IQGAP1: variants seen among roughly 807,000 people sequenced by gnomAD.
IQGAP1 encodes the protein IQ motif containing GTPase activating protein 1, also known as ras GTPase-activating-like protein IQGAP1.
IQGAP1 carries 66 observed loss-of-function variants against 215.6 expected under a neutral mutation model. The ratio of observed to expected loss-of-function variants is 0.31; its 90% CI spans 0.25 to 0.38. The LOEUF (loss-of-function observed/expected upper bound fraction) is 0.38. IQGAP1 is among the 10% of genes least tolerant of loss of function. The pLI is 1.00. For missense variants in IQGAP1, 1,712 were observed against 1,997.1 expected, an observed-to-expected ratio of 0.86 and a Z score of 2.72; for synonymous variants, 772 against 728.7, an observed-to-expected ratio of 1.06 and a Z score of -0.96.
chr15:90,441,370 C>A, intron 7 of IQGAP1, 136 bp from the exon 8 acceptor site: 1 of 728,704 alleles, frequency 1.4e-6, no homozygotes, highest in Non-Finnish European at 2.2e-6. Context: ...CTTCGAACCC[C>A]AGTTGTTATT....
At chr15:90,416,522 C>CAGTGTAAA (rs1413465136) in intron 2 of IQGAP1, among the ~76,000 whole-genome samples, 2 of 151,888 alleles carry the variant, frequency 1.3e-5, no homozygotes, top group African/African-American at 4.8e-5. Flanking sequence ...GTCCCTCCAG[C>CAGTGTAAA]AGTGTAAAAG....
chr15:90,457,810 A>G (rs1281091301), intron 15 of IQGAP1, among the ~76,000 whole-genome samples: 1 of 152,136 alleles, frequency 6.6e-6, no homozygotes, highest in Admixed American at 6.5e-5. Context: ...TGTTAGGTAT[A>G]CATTTTGGAG....
intron 36 of IQGAP1, among the ~76,000 whole-genome samples, chr15:90,496,195 T>C (rs1258728617): frequency 1.3e-5 from 2 of 151,986 alleles, no homozygotes; most frequent in Non-Finnish European, 2.9e-5. Flanking sequence ...AGTGACCTTT[T>C]TGCATCTTTC....
At chr15:90,433,602 GAATGCCACCGATGTTT>G in intron 4 of IQGAP1, 101 bp from the exon 5 acceptor site, 1 of 537,410 alleles carries the variant, frequency 1.9e-6, no homozygotes. Context: ...TGTTTTCTAA[GAATGCCACCGATGTTT>G]TCTAACTGTC....
At chr15:90,499,929 C>G in intron 37 of IQGAP1, 66 bp from the exon 38 acceptor site, 1 of 1,080,364 alleles carries the variant, frequency 9.3e-7, no homozygotes, top group East Asian at 2.4e-5. Flanking sequence ...TGTCCTTTTT[C>G]CTTGTTCCAC....
rs1254928289 is a variant in IQGAP1, at chr15:90,476,817, A to C, written c.2939A>C (p.Gln980Pro). Residue 980 changes from glutamine to proline, a missense_variant and splice_region_variant, in exon 24 of 38, where the codon CAA becomes CCA. Gln to Pro is a moderately conservative substitution (Grantham distance 76, BLOSUM62 -1). This residue lies in a region of IQGAP1 where 691 missense variants were observed against 923.0 expected (regional missense o/e 0.75). Coordinates refer to ENST00000268182, the MANE Select transcript of IQGAP1 (RefSeq NM_003870.4). The part of the protein sequence containing the change: ...EAYQHLFYLL[Q>P]TNPTYLAKLI... ...TACCAGCACCTGTTTTATTTATTGC[A>C]AGTAAGTGGCTCCTGGAATCAGTGT... 1 of 1,585,160 alleles carries C rather than the reference A, an allele frequency of 6.3e-7. No homozygotes were observed. The highest frequency in any genetic ancestry group is 8.5e-7 in the Non-Finnish European group (1 of 1,173,438).
At chr15:90,423,146 G>A (rs1473235094) in intron 2 of IQGAP1, among the ~76,000 whole-genome samples, 1 of 152,200 alleles carries the variant, frequency 6.6e-6, no homozygotes, top group Non-Finnish European at 1.5e-5. Flanking sequence ...AGAAGTGTTT[G>A]TTGTGTCATC....
chr15:90,477,252 G>A (rs750087963), intron 25 of IQGAP1, 22 bp downstream of exon 25: 44 of 1,607,732 alleles, frequency 2.7e-5, no homozygotes, highest in Non-Finnish European at 3.4e-5. Context: ...TTTCCTCAGG[G>A]CACAGGCCCC....
chr15:90,390,624 G>C (rs1037258054), intron 1 of IQGAP1, 150 bp from the exon 2 acceptor site: 1 of 525,794 alleles, frequency 1.9e-6, no homozygotes, highest in African/African-American at 1.9e-5. Flanking sequence ...CTTTTTTTAA[G>C]AAAGTCATTG....
intron 28 of IQGAP1, among the ~76,000 whole-genome samples, chr15:90,482,978 C>G (rs1432627192): frequency 6.6e-6 from 1 of 152,206 alleles, no homozygotes; most frequent in Non-Finnish European, 1.5e-5. Context: ...GAAAGCCCAT[C>G]TACATGAAAG....
At chr15:90,449,720 A>T (rs1339258099) in intron 11 of IQGAP1, 77 bp downstream of exon 11, 5 of 1,211,684 alleles carry the variant, frequency 4.1e-6, no homozygotes, top group Non-Finnish European at 5.9e-6. Flanking sequence ...AGCTTCTGTC[A>T]TCGTCATCAC....
intron 11 of IQGAP1, among the ~76,000 whole-genome samples, chr15:90,451,395 C>T (rs932556524): frequency 2.6e-5 from 4 of 152,154 alleles, no homozygotes; most frequent in African/African-American, 9.7e-5. Flanking sequence ...GGCAAGTGGG[C>T]TCATGTGAAG....
Position 90,396,539 on chromosome 15 carries a change from G to T in IQGAP1, c.155+5666G>T, listed in dbSNP as rs556702803. Among the ~76,000 whole-genome samples, 4 of 152,238 alleles carry T rather than the reference G, an allele frequency of 2.6e-5. No individual in the cohort carries two copies. In the South Asian group the frequency reaches 8.3e-4, roughly 32 times the overall value. On this transcript the variant is annotated intron_variant, in intron 2 of 37. Transcript: ENST00000268182. ...GCTGCGTAATGGCACGGTGGCACTA[G>T]GAGCTGATCCATTCATTTATTTATA...
At chr15:90,498,599 C>G (rs1207076359) in intron 37 of IQGAP1, among the ~76,000 whole-genome samples, 1 of 152,116 alleles carries the variant, frequency 6.6e-6, no homozygotes, top group African/African-American at 2.4e-5. Flanking sequence ...CAGCAGCCCT[C>G]ATGGAGCTGC....
At chr15:90,410,159 C>A (rs1422101872) in intron 2 of IQGAP1, among the ~76,000 whole-genome samples, 2 of 152,146 alleles carry the variant, frequency 1.3e-5, no homozygotes, top group African/African-American at 4.8e-5. Context: ...TAATTAGATC[C>A]CATTTCTCAA....
Position 90,501,226 on chromosome 15 carries a change from T to G in IQGAP1, c.*1118T>G, listed in dbSNP as rs1157975312. The G allele has an allele frequency of 6.6e-6, 1 of 152,336 alleles. No homozygotes were observed. The highest frequency in any genetic ancestry group is 1.5e-5 in the Non-Finnish European group (1 of 68,014). The allele number at this position is 152,336 out of a possible 1,614,324, so 9.4% of individuals were successfully genotyped here. On this transcript the variant is annotated 3_prime_UTR_variant, in exon 38 of 38. Coordinates refer to ENST00000268182, the MANE Select transcript of IQGAP1 (RefSeq NM_003870.4). ...CAGCCAACCTATGTTACACGTGAGATTAAAACCAATTTTTTCCCCATTTTT... is the reference window on the plus strand; with the variant it reads ...CAGCCAACCTATGTTACACGTGAGAGTAAAACCAATTTTTTCCCCATTTTT...
At chr15:90,421,940 C>T (rs747476836) in intron 2 of IQGAP1, among the ~76,000 whole-genome samples, 3 of 152,142 alleles carry the variant, frequency 2.0e-5, no homozygotes, top group Non-Finnish European at 2.9e-5. Context: ...GGATTACAGG[C>T]GTGAACCACT....
At chr15:90,419,645 G>A (rs971469781) in intron 2 of IQGAP1, among the ~76,000 whole-genome samples, 2 of 152,154 alleles carry the variant, frequency 1.3e-5, no homozygotes, top group Non-Finnish European at 2.9e-5. Context: ...GGTTTTGGTC[G>A]AGTCTATCAT....
intron 18 of IQGAP1, among the ~76,000 whole-genome samples, chr15:90,469,936 A>T (rs971415354): frequency 6.6e-6 from 1 of 152,160 alleles, no homozygotes; most frequent in Non-Finnish European, 1.5e-5. Context: ...GCCCAGGTTG[A>T]AGCTTGAGGG....
Sources: allele counts gnomAD v4.1 joint callset (sites outside exome capture counted in the v4.1 genomes callset), GRCh38; gene constraint gnomAD v4.1.1; regional missense constraint gnomAD v4.1.1; transcripts MANE v1.5; gene names NCBI Gene and HGNC (gene_info 2026-07-23, HGNC 2026-07-21).